STK39: variants seen among roughly 807,000 people sequenced by gnomAD.
The protein encoded by STK39 is serine/threonine kinase 39.
Under a neutral mutation model 77.8 loss-of-function variants are expected in STK39, and 20 were observed. That is an observed-to-expected ratio of 0.26 (90% CI 0.18 to 0.37). The LOEUF (loss-of-function observed/expected upper bound fraction) is 0.37. STK39 is among the 10% of genes least tolerant of loss of function. The pLI is 1.00. For missense variants in STK39, 479 were observed against 656.5 expected (o/e 0.73, Z 2.95); for synonymous variants, 246 against 234.1 (o/e 1.05, Z -0.47).
chr2:168,160,783 G>A (rs1688549697), intron 5 of STK39, among the ~76,000 whole-genome samples: 1 of 152,052 alleles, frequency 6.6e-6, no homozygotes, highest in African/African-American at 2.4e-5. Flanking sequence ...ATGTCTCTTA[G>A]CTGTTACTTG....
rs111549146 is a variant in STK39 at position 168,029,102 on chromosome 2, TTAAA to T, written c.1377-12011_1377-12008del. 3.7e-3 allele frequency among the ~76,000 whole-genome samples: 561 copies of T among 152,362 alleles called. 3 individuals carry two copies. The highest frequency in any genetic ancestry group is 0.013 in the African/African-American group (530 of 41,598). On this transcript the variant is annotated intron_variant, in intron 14 of 17. Transcript: ENST00000355999. ...TGGTTTAATTCTTGCAAGAAGGATGTTAAATAGTTTCAAAATTAAACTAAATATA... is the reference window on the plus strand; with the variant it reads ...TGGTTTAATTCTTGCAAGAAGGATGTTAGTTTCAAAATTAAACTAAATATA...
chr2:168,196,447 G>A (rs1247849389), intron 1 of STK39, among the ~76,000 whole-genome samples: 1 of 152,210 alleles, frequency 6.6e-6, no homozygotes, highest in Non-Finnish European at 1.5e-5. Flanking sequence ...TGAATCACCT[G>A]AGGTCAGGAG....
chr2:168,151,808 C>T (rs1192844074), intron 5 of STK39, among the ~76,000 whole-genome samples: 1 of 151,784 alleles, frequency 6.6e-6, no homozygotes. Context: ...CTCCCCAATT[C>T]CTCAGCCATT....
chr2:167,961,139 G>C (rs1251102889), intron 17 of STK39, among the ~76,000 whole-genome samples: 1 of 152,170 alleles, frequency 6.6e-6, no homozygotes, highest in East Asian at 1.9e-4. Flanking sequence ...TTCAGTAGGA[G>C]GAGAAAGTTA....
chr2:168,081,777 T>G (rs1686238589), intron 10 of STK39, among the ~76,000 whole-genome samples: 1 of 152,120 alleles, frequency 6.6e-6, no homozygotes, highest in African/African-American at 2.4e-5. Context: ...TGGGGACAAG[T>G]CTTTCCTACA....
intron 10 of STK39, among the ~76,000 whole-genome samples, chr2:168,126,059 G>A (rs912485946): frequency 1.1e-4 from 17 of 150,264 alleles, no homozygotes; most frequent in African/African-American, 3.6e-4. Flanking sequence ...CAGAAGAGAG[G>A]AGAAGAGAAT....
intron 10 of STK39, among the ~76,000 whole-genome samples, chr2:168,094,675 T>C (rs191548197): frequency 1.1e-4 from 17 of 152,298 alleles, no homozygotes; most frequent in African/African-American, 3.6e-4. Context: ...CATAGTTCTC[T>C]GCATCCTCCA....
At chr2:168,237,048 T>G (rs1231610369) in intron 1 of STK39, among the ~76,000 whole-genome samples, 1 of 152,102 alleles carries the variant, frequency 6.6e-6, no homozygotes, top group East Asian at 1.9e-4. Context: ...GTATGGCCAT[T>G]TTCACGATAT....
intron 1 of STK39, among the ~76,000 whole-genome samples, chr2:168,237,948 G>C (rs1690662444): frequency 3.3e-5 from 5 of 152,032 alleles, no homozygotes; most frequent in Admixed American, 3.3e-4. Flanking sequence ...CAGAGATAGT[G>C]ACATTGCCTG....
chr2:168,041,791 G>C (rs1476975492), intron 14 of STK39, among the ~76,000 whole-genome samples: 1 of 152,172 alleles, frequency 6.6e-6, no homozygotes, highest in East Asian at 1.9e-4. Flanking sequence ...CTTGGTTTAG[G>C]CTCTGAAGAA....
rs779319601 is a variant in STK39, at chr2:168,163,831, C to T, written c.480G>A (p.Lys160=). 6.2e-7 allele frequency: 1 copy of T among 1,614,006 alleles called. No individual in the cohort carries two copies. The highest frequency in any genetic ancestry group is 1.1e-5 in the South Asian group (1 of 91,078). Residue 160 remains lysine (K), a synonymous_variant, in exon 4 of 18, where the codon AAG becomes AAA. Transcript: ENST00000355999. ...TTATTGCCTCTTCCAGAACTCCATT[C>T]TTGTGTTCTCCTCGGTTGACAATGT... ...IKYIVNRGEH[K]NGVLEEAIIA...
intron 1 of STK39, among the ~76,000 whole-genome samples, chr2:168,243,863 C>T (rs920656671): frequency 1.3e-5 from 2 of 152,162 alleles, no homozygotes; most frequent in African/African-American, 4.8e-5. Context: ...GCTTTAAGTG[C>T]CCCTTATACT....
intron 10 of STK39, among the ~76,000 whole-genome samples, chr2:168,104,860 A>C (rs949624759): frequency 1.3e-5 from 2 of 152,222 alleles, no homozygotes; most frequent in African/African-American, 4.8e-5. Flanking sequence ...TAATGAAGCA[A>C]TTGTTTGTAA....
chr2:167,985,941 C>T (rs908932171), intron 16 of STK39, among the ~76,000 whole-genome samples: 6 of 152,150 alleles, frequency 3.9e-5, no homozygotes, highest in Admixed American at 1.3e-4. Context: ...AAACAAAACA[C>T]GGTATTTTGG....
intron 14 of STK39, among the ~76,000 whole-genome samples, chr2:168,019,699 A>C (rs1574397956): frequency 6.6e-6 from 1 of 151,916 alleles, no homozygotes; most frequent in Non-Finnish European, 1.5e-5. Flanking sequence ...CTTTATATTT[A>C]TTTATTTATT....
chr2:168,178,018 T>C lies in STK39; in HGVS notation c.321+3960A>G, dbSNP rs556526525. Among the ~76,000 whole-genome samples the C allele has an allele frequency of 8.5e-5, 13 of 152,288 alleles. 1 individual carries two copies. Among genetic ancestry groups the C allele is most frequent in the African/African-American group, 2.6e-4 (11 of 41,582 alleles). On this transcript the variant is annotated intron_variant, in intron 2 of 17. Transcript: ENST00000355999. ...ACTAGTCCATGGTCTCCCCCAAAAATAGGAATCCATTCTGTTTTCCCATCA... is the reference window on the plus strand; with the variant it reads ...ACTAGTCCATGGTCTCCCCCAAAAACAGGAATCCATTCTGTTTTCCCATCA...
chr2:168,190,595 G>A (rs993626987), intron 1 of STK39, among the ~76,000 whole-genome samples: 3 of 152,076 alleles, frequency 2.0e-5, no homozygotes, highest in Non-Finnish European at 4.4e-5. Flanking sequence ...ATAAACTAGG[G>A]ACTTCAATAA....
At chr2:168,177,183 T>C (rs1176248086) in intron 2 of STK39, among the ~76,000 whole-genome samples, 2 of 152,198 alleles carry the variant, frequency 1.3e-5, no homozygotes, top group Admixed American at 6.5e-5. Context: ...GGAATTCACA[T>C]ATGGAAATTA....
intron 8 of STK39, among the ~76,000 whole-genome samples, chr2:168,131,048 A>G (rs1278367364): frequency 1.3e-5 from 2 of 152,254 alleles, no homozygotes; most frequent in Admixed American, 1.3e-4. Context: ...AGATAATTTT[A>G]GGAACGTGCT....
Sources: gnomAD v4.1 joint callset for allele counts (sites outside exome capture counted in the v4.1 genomes callset) on GRCh38, gnomAD v4.1.1 for gene constraint, MANE v1.5 for transcripts, NCBI Gene and HGNC (gene_info 2026-07-23, HGNC 2026-07-21) for gene names.